The following SLC28A3 variants were observed in gnomAD, a reference collection of about 807,000 sequenced individuals.
SLC28A3 encodes concentrative Na(+)-nucleoside cotransporter 3.
In SLC28A3, 68 loss-of-function variants were observed where a neutral mutation model predicts 84.2. The ratio of observed to expected loss-of-function variants is 0.81; its 90% CI spans 0.66 to 0.99. The LOEUF is 0.99. Ranked by LOEUF, SLC28A3 falls within the 50% of genes least tolerant of loss-of-function variation. The pLI is 0.00. For synonymous variants in SLC28A3, 267 were observed against 303.6 expected, an observed-to-expected ratio of 0.88 and a Z score of 1.25; for missense variants, 712 against 841.5, an observed-to-expected ratio of 0.85 and a Z score of 1.90.
In SLC28A3 at chr9:84,313,488, G is replaced by A. The variant is rs10780662; in HGVS notation, c.61-34C>T. On this transcript the variant is annotated intron_variant, in intron 1 of 17. Coordinates refer to ENST00000376238, the MANE Select transcript of SLC28A3 (RefSeq NM_001199633.2). ...AAAGTGCAGATTGAAAAAATAAAAA[G>A]TTACAGCCAAAAGACAGATGTTCTT... 0.033 allele frequency: 50,960 copies of A among 1,566,242 alleles called. 4,075 individuals are homozygous for A. In the East Asian group the frequency reaches 0.33, roughly 10 times the overall value.
chr9:84,356,485 T>C, the SLC28A3 span, among the ~76,000 whole-genome samples: 1 of 152,102 alleles, frequency 6.6e-6, no homozygotes, highest in Non-Finnish European at 1.5e-5. Flanking sequence ...TAAGATAAAA[T>C]GTGATGGTTC....
chr9:84,319,077 A>G (rs1249674971), intron 1 of SLC28A3, among the ~76,000 whole-genome samples: 2 of 152,216 alleles, frequency 1.3e-5, no homozygotes, highest in Non-Finnish European at 2.9e-5. Context: ...CTGCCAAAGT[A>G]GAAAAAATCA....
intron 1 of SLC28A3, among the ~76,000 whole-genome samples, 172 bp downstream of exon 1, chr9:84,340,402 G>A (rs1383287900): frequency 6.6e-6 from 1 of 152,144 alleles, no homozygotes; most frequent in Non-Finnish European, 1.5e-5. Context: ...GACTTTTCAG[G>A]TTTGTCAACC....
the SLC28A3 span, among the ~76,000 whole-genome samples, chr9:84,362,193 G>A: frequency 6.6e-5 from 10 of 152,272 alleles, no homozygotes; most frequent in South Asian, 2.1e-3. Context: ...CAATTGGGAG[G>A]CTGATAATGA....
chr9:84,326,633 AAACAACAACAACAACAACAACAACAAC>A (rs34082643), intron 1 of SLC28A3, among the ~76,000 whole-genome samples: 7 of 148,174 alleles, frequency 4.7e-5, no homozygotes, highest in Non-Finnish European at 7.4e-5. Context: ...GATGGATTAA[AAACAACAACAACAACAACAACAACAAC>A]AACAACAACA....
intron 1 of SLC28A3, among the ~76,000 whole-genome samples, chr9:84,340,299 C>A (rs1415088998): frequency 6.6e-6 from 1 of 152,108 alleles, no homozygotes; most frequent in Admixed American, 6.5e-5. Context: ...AAATAATGGA[C>A]CCCTGCTGTG....
intron 1 of SLC28A3, among the ~76,000 whole-genome samples, chr9:84,336,750 A>G (rs753455542): frequency 4.6e-5 from 7 of 152,154 alleles, no homozygotes; most frequent in African/African-American, 7.2e-5. Flanking sequence ...CGCAGAGGCC[A>G]CCTGACCTGA....
the SLC28A3 span, among the ~76,000 whole-genome samples, chr9:84,350,447 T>G: frequency 6.7e-6 from 1 of 149,504 alleles, no homozygotes; most frequent in African/African-American, 2.5e-5. Flanking sequence ...GTCTCAAAAA[T>G]AAATAAATAA....
At chr9:84,317,422 C>T (rs532418795) in intron 1 of SLC28A3, among the ~76,000 whole-genome samples, 1 of 152,272 alleles carries the variant, frequency 6.6e-6, no homozygotes, top group South Asian at 2.1e-4. Flanking sequence ...TCTTCCTGCC[C>T]TGTACGCTGG....
upstream of SLC28A3, among the ~76,000 whole-genome samples, chr9:84,342,127 C>CAAAAAAAAAAAAAAAAA (rs200186519): frequency 1.7e-4 from 12 of 68,660 alleles, no homozygotes; most frequent in African/African-American, 2.3e-4. Context: ...GACCCTGTCT[C>CAAAAAAAAAAAAAAAAA]AAAAAAAAAA....
the SLC28A3 span, among the ~76,000 whole-genome samples, chr9:84,347,464 C>A: frequency 1.3e-5 from 2 of 152,112 alleles, no homozygotes; most frequent in African/African-American, 4.8e-5. Flanking sequence ...TTGTCAAGAG[C>A]CCAGTTCTGG....
At chr9:84,294,471 T>C (rs1825344659) in intron 8 of SLC28A3, among the ~76,000 whole-genome samples, 196 bp from the exon 9 acceptor site, 1 of 152,248 alleles carries the variant, frequency 6.6e-6, no homozygotes, top group Non-Finnish European at 1.5e-5. Flanking sequence ...TTGACTTTTT[T>C]CCCCTGTCTT....
the SLC28A3 span, among the ~76,000 whole-genome samples, chr9:84,347,045 G>A: frequency 6.6e-6 from 1 of 151,766 alleles, no homozygotes; most frequent in Non-Finnish European, 1.5e-5. Flanking sequence ...ACGTGGTAGT[G>A]GGCACCAGTA....
the SLC28A3 span, among the ~76,000 whole-genome samples, chr9:84,354,890 A>T: frequency 6.6e-6 from 1 of 152,016 alleles, no homozygotes; most frequent in Non-Finnish European, 1.5e-5. Flanking sequence ...AGAAAAAAGG[A>T]AACTCTGAAA....
chr9:84,336,229 C>T (rs565227068), intron 1 of SLC28A3, among the ~76,000 whole-genome samples: 2 of 151,924 alleles, frequency 1.3e-5, no homozygotes, highest in Non-Finnish European at 2.9e-5. Context: ...AGGTCGGGCA[C>T]GGTGGCTCAC....
chr9:84,352,482 C>G, the SLC28A3 span, among the ~76,000 whole-genome samples: 3 of 152,026 alleles, frequency 2.0e-5, no homozygotes, highest in South Asian at 6.2e-4. Context: ...TGCACCCAGC[C>G]AAAATGTTGC....
intron 15 of SLC28A3, 107 bp downstream of exon 15, chr9:84,280,694 T>C (rs1331228171): frequency 3.0e-5 from 31 of 1,042,148 alleles, no homozygotes; most frequent in Middle Eastern, 2.0e-4. Flanking sequence ...GACTCATGAC[T>C]GTTGCAAAGG....
At chr9:84,360,425 T>C in the SLC28A3 span, among the ~76,000 whole-genome samples, 1 of 152,008 alleles carries the variant, frequency 6.6e-6, no homozygotes, top group Non-Finnish European at 1.5e-5. Context: ...TGGATGTCCA[T>C]GGGGAGCCCT....
chr9:84,343,232 G>C (rs142925962), upstream of SLC28A3, among the ~76,000 whole-genome samples: 1 of 151,774 alleles, frequency 6.6e-6, no homozygotes, highest in South Asian at 2.1e-4. Context: ...AATTGCCCCC[G>C]GGCACAGGGT....
Sources: allele counts gnomAD v4.1 joint callset (sites outside exome capture counted in the v4.1 genomes callset), GRCh38; gene constraint gnomAD v4.1.1; transcripts MANE v1.5; gene names NCBI Gene and HGNC (gene_info 2026-07-23, HGNC 2026-07-21).